Variants in SMCO4 observed in about 807,000 individuals in gnomAD.
SMCO4 encodes the protein single-pass membrane protein with coiled-coil domains 4.
SMCO4 carries 4 observed loss-of-function variants against 3.6 expected under a neutral mutation model. That is an observed-to-expected ratio of 1.11 (90% CI 0.54 to 2.53). The LOEUF (loss-of-function observed/expected upper bound fraction) is 2.53. SMCO4 is among the 30% of genes most tolerant of loss of function. The pLI is 0.02. For missense variants in SMCO4, 70 were observed against 80.8 expected (o/e 0.87, Z 0.51); for synonymous variants, 36 against 35.3 (o/e 1.02, Z -0.07).
intron 2 of SMCO4, among the ~76,000 whole-genome samples, chr11:93,494,797 T>C (rs2134587768): frequency 6.6e-6 from 1 of 152,300 alleles, no homozygotes; most frequent in Non-Finnish European, 1.5e-5. Context: ...ACAGAATCCC[T>C]ATTGTAAAAG....
intron 1 of SMCO4, among the ~76,000 whole-genome samples, chr11:93,524,055 C>T (rs1221019422): frequency 1.3e-5 from 2 of 152,132 alleles, no homozygotes; most frequent in Non-Finnish European, 2.9e-5. Context: ...GTTTCTCAGG[C>T]CTCAACCTCT....
At chr11:93,551,947 GAC>G in the SMCO4 span, among the ~76,000 whole-genome samples, 8 of 152,144 alleles carry the variant, frequency 5.3e-5, no homozygotes, top group East Asian at 1.5e-3. Context: ...CTTTGTTAAG[GAC>G]ACAATTCCTA....
At chr11:93,547,577 G>A (rs1949323374), upstream of SMCO4, among the ~76,000 whole-genome samples, 1 of 152,072 alleles carries the variant, frequency 6.6e-6, no homozygotes, top group Non-Finnish European at 1.5e-5. Flanking sequence ...CGAGAAAAGG[G>A]ACTGCGTTTG....
At chr11:93,479,404 G>A in intron 2 of SMCO4, 135 bp from the exon 3 acceptor site, 2 of 828,060 alleles carry the variant, frequency 2.4e-6, no homozygotes, top group Non-Finnish European at 3.4e-6. Context: ...GGCCACACCA[G>A]GCTCTAAGTT....
chr11:93,487,443 T>C (rs552777903), intron 2 of SMCO4, among the ~76,000 whole-genome samples: 17 of 152,098 alleles, frequency 1.1e-4, no homozygotes, highest in African/African-American at 4.1e-4. Context: ...AGTGGGTGTA[T>C]GGAGGGGAGG....
At chr11:93,506,069 AT>A (rs1948897824) in intron 1 of SMCO4, among the ~76,000 whole-genome samples, 2 of 152,318 alleles carry the variant, frequency 1.3e-5, no homozygotes, top group South Asian at 4.1e-4. Flanking sequence ...TTATACACAC[AT>A]ACACACCTAT....
At chr11:93,519,415 C>G (rs1949038104) in intron 1 of SMCO4, among the ~76,000 whole-genome samples, 1 of 152,202 alleles carries the variant, frequency 6.6e-6, no homozygotes, top group Non-Finnish European at 1.5e-5. Flanking sequence ...GACTTGGCAG[C>G]ATTCACTGGG....
At chr11:93,518,864 T>C (rs2658769) in intron 1 of SMCO4, among the ~76,000 whole-genome samples, 120,449 of 152,196 alleles carry the variant, frequency 0.79, 48,057 homozygotes, top group South Asian at 0.86. Flanking sequence ...AGGACAAGCA[T>C]AGGCCATTAA....
intron 2 of SMCO4, among the ~76,000 whole-genome samples, chr11:93,483,172 T>A (rs972130849): frequency 6.6e-6 from 1 of 151,636 alleles, no homozygotes; most frequent in Non-Finnish European, 1.5e-5. Context: ...TAGGAGAAGG[T>A]TTCAGCTTAA....
chr11:93,530,080 T>C (rs932261232), intron 1 of SMCO4, among the ~76,000 whole-genome samples: 1 of 152,224 alleles, frequency 6.6e-6, no homozygotes. Context: ...AGTGATTTTA[T>C]ACACAGAAGA....
chr11:93,496,254 G>A (rs945264336), intron 2 of SMCO4, among the ~76,000 whole-genome samples: 3 of 152,192 alleles, frequency 2.0e-5, no homozygotes, highest in South Asian at 2.1e-4. Context: ...GACTTGGGGG[G>A]CGGATACAGG....
chr11:93,506,361 CT>C (rs1243992680), intron 1 of SMCO4, among the ~76,000 whole-genome samples: 1 of 151,958 alleles, frequency 6.6e-6, no homozygotes, highest in Non-Finnish European at 1.5e-5. Context: ...GGTAAAACAA[CT>C]GGTGGCTTAG....
intron 1 of SMCO4, among the ~76,000 whole-genome samples, chr11:93,534,341 C>CAT (rs1949196263): frequency 7.1e-6 from 1 of 141,650 alleles, no homozygotes; most frequent in Non-Finnish European, 1.5e-5. Flanking sequence ...CATATATACA[C>CAT]ATATATATAC....
intron 2 of SMCO4, among the ~76,000 whole-genome samples, chr11:93,480,097 T>G (rs1448197965): frequency 6.6e-6 from 1 of 152,244 alleles, no homozygotes; most frequent in Non-Finnish European, 1.5e-5. Flanking sequence ...GGAACATCTC[T>G]ATAAAAGTCG....
chr11:93,494,984 G>A (rs770392443), intron 2 of SMCO4, among the ~76,000 whole-genome samples: 2 of 151,998 alleles, frequency 1.3e-5, no homozygotes, highest in Non-Finnish European at 2.9e-5. Context: ...CCACAGCAGC[G>A]ACCCTCCTCA....
At chr11:93,482,175 CCTGTGAG>C in intron 2 of SMCO4, among the ~76,000 whole-genome samples, 1 of 152,328 alleles carries the variant, frequency 6.6e-6, no homozygotes, top group African/African-American at 2.4e-5. Context: ...CTCTCACTCA[CCTGTGAG>C]CTGGGGCAGC....
At chr11:93,530,575 T>G (rs1432304663) in intron 1 of SMCO4, among the ~76,000 whole-genome samples, 2 of 152,192 alleles carry the variant, frequency 1.3e-5, no homozygotes, top group East Asian at 3.8e-4. Flanking sequence ...GGCACAACAG[T>G]GGCTCCCATC....
intron 1 of SMCO4, among the ~76,000 whole-genome samples, chr11:93,539,565 TAAG>T (rs1949255184): frequency 6.6e-6 from 1 of 152,206 alleles, no homozygotes; most frequent in Admixed American, 6.5e-5. Context: ...TTCAGAGAAC[TAAG>T]AAGTACTTTC....
At chr11:93,530,713 G>T (rs1181265379) in intron 1 of SMCO4, among the ~76,000 whole-genome samples, 1 of 152,102 alleles carries the variant, frequency 6.6e-6, no homozygotes, top group African/African-American at 2.4e-5. Context: ...CTACACTTCA[G>T]GGCCTCTGCC....
Sources: gnomAD v4.1 joint callset for allele counts (sites outside exome capture counted in the v4.1 genomes callset) on GRCh38, gnomAD v4.1.1 for gene constraint, MANE v1.5 for transcripts, NCBI Gene and HGNC (gene_info 2026-07-23, HGNC 2026-07-21) for gene names.